FHOD3: variants seen among roughly 807,000 people sequenced by gnomAD.
FHOD3 encodes the protein formin homology 2 domain containing 3.
In FHOD3, 90 loss-of-function variants were observed where a neutral mutation model predicts 173.0. The observed-to-expected ratio is 0.52, with a 90% confidence interval of 0.44 to 0.62. The LOEUF (loss-of-function observed/expected upper bound fraction) is 0.62, where lower values mean the gene tolerates loss of function less well. Ranked by LOEUF, FHOD3 falls within the 20% of genes least tolerant of loss-of-function variation. The probability of loss-of-function intolerance (pLI) is 0.00; values close to 1 mark genes in which losing one functional copy is unlikely to be tolerated. For synonymous variants in FHOD3, 828 were observed against 823.0 expected, an observed-to-expected ratio of 1.01 and a Z score of -0.10; for missense variants, 1,945 against 2,034.7, an observed-to-expected ratio of 0.96 and a Z score of 0.85.
chr18:36,546,115 T>C (rs930624914), intron 5 of FHOD3, among the ~76,000 whole-genome samples: 3 of 152,218 alleles, frequency 2.0e-5, no homozygotes, highest in African/African-American at 7.2e-5. Context: ...CCCTTTTTCA[T>C]AGGTGTATGG....
In FHOD3 at chr18:36,316,601, A is replaced by T. The variant is rs151051863; in HGVS notation, c.165+18601A>T. ...ATTAATGTTTTAGTAGTTTCCGATC[A>T]GTTTATTTAGGGCTCAGAGTAATCT... is the stretch of plus-strand genomic sequence containing the variant. On this transcript the variant is annotated intron_variant, in intron 1 of 28. Coordinates refer to ENST00000590592, the MANE Select transcript of FHOD3 (RefSeq NM_001281740.3). Among the ~76,000 whole-genome samples the T allele has an allele frequency of 1.1e-4, 16 of 152,332 alleles. No homozygotes were observed. The East Asian group carries it at 2.9e-3, about 28-fold the overall frequency.
intron 5 of FHOD3, among the ~76,000 whole-genome samples, chr18:36,517,577 G>A (rs1278556680): frequency 3.9e-5 from 6 of 152,290 alleles, no homozygotes; most frequent in Middle Eastern, 6.8e-3. Flanking sequence ...CTGCCTCTTC[G>A]GGCTAGCTTT....
intron 3 of FHOD3, among the ~76,000 whole-genome samples, chr18:36,437,861 A>C (rs1004011286): frequency 8.6e-5 from 13 of 151,898 alleles, no homozygotes; most frequent in South Asian, 6.2e-4. Flanking sequence ...ATGGGATTTC[A>C]CCATGTTGGC....
intron 3 of FHOD3, among the ~76,000 whole-genome samples, chr18:36,447,977 A>G (rs2051596736): frequency 6.6e-6 from 1 of 152,188 alleles, no homozygotes; most frequent in Admixed American, 6.5e-5. Flanking sequence ...CATTGTGTAG[A>G]CTTTTGTGCC....
intron 10 of FHOD3, among the ~76,000 whole-genome samples, chr18:36,641,032 G>C (rs9948854): frequency 0.071 from 10,781 of 152,126 alleles, 664 homozygotes; most frequent in East Asian, 0.24. Context: ...AGATCTCTGA[G>C]GTCATCTCCA....
At chr18:36,440,152 G>A (rs746880284) in intron 3 of FHOD3, among the ~76,000 whole-genome samples, 4 of 152,124 alleles carry the variant, frequency 2.6e-5, no homozygotes, top group Non-Finnish European at 5.9e-5. Flanking sequence ...TCTTTGTTTC[G>A]AATAAGCTCC....
intron 3 of FHOD3, among the ~76,000 whole-genome samples, chr18:36,468,185 A>C (rs961038634): frequency 6.6e-5 from 10 of 152,146 alleles, no homozygotes; most frequent in African/African-American, 2.4e-4. Context: ...CCCCACAGGG[A>C]CCCAGGCTGC....
rs116049732 is a variant in FHOD3, at chr18:36,746,844, T to C, written c.4042-101T>C. The C allele has an allele frequency of 4.1e-3, 3,219 of 791,026 alleles. 70 individuals carry two copies. In the African/African-American group the frequency reaches 0.051, roughly 13 times the overall value. 49.0% of individuals were successfully genotyped at this position (791,026 alleles called of 1,614,324 possible). On this transcript the variant is annotated intron_variant, in intron 23 of 28. Coordinates refer to ENST00000590592, the MANE Select transcript of FHOD3 (RefSeq NM_001281740.3). ...ATGTTTGCATTTCAAAATGTGAATT[T>C]CGTTTTGATGTTTGTTTCTCCCCAG...
chr18:36,628,969 G>C (rs2034310569), intron 10 of FHOD3, among the ~76,000 whole-genome samples: 1 of 152,164 alleles, frequency 6.6e-6, no homozygotes, highest in East Asian at 1.9e-4. Flanking sequence ...GTTTCATCCT[G>C]CTGATTTCCA....
intron 6 of FHOD3, among the ~76,000 whole-genome samples, chr18:36,590,882 T>G (rs1387851513): frequency 6.6e-6 from 1 of 152,144 alleles, no homozygotes; most frequent in Non-Finnish European, 1.5e-5. Flanking sequence ...ACCGTATCGG[T>G]CAAGGCCCCT....
intron 3 of FHOD3, among the ~76,000 whole-genome samples, chr18:36,470,247 C>A (rs1332020643): frequency 2.0e-5 from 3 of 152,212 alleles, no homozygotes; most frequent in Non-Finnish European, 4.4e-5. Context: ...TCACCATTGT[C>A]TGCCCAATGC....
chr18:36,303,437 A>G (rs2092007625), intron 1 of FHOD3, among the ~76,000 whole-genome samples: 1 of 152,054 alleles, frequency 6.6e-6, no homozygotes, highest in South Asian at 2.1e-4. Flanking sequence ...GTGCTCTGGC[A>G]AGTCCTCCCA....
intron 1 of FHOD3, among the ~76,000 whole-genome samples, chr18:36,298,297 C>A (rs951549811): frequency 6.7e-6 from 1 of 149,382 alleles, no homozygotes; most frequent in Non-Finnish European, 1.5e-5. Context: ...CGAGCCGCGC[C>A]GTTAGCTCGG....
intron 3 of FHOD3, among the ~76,000 whole-genome samples, chr18:36,403,628 A>C (rs1237596843): frequency 1.3e-5 from 2 of 152,262 alleles, no homozygotes; most frequent in Non-Finnish European, 2.9e-5. Context: ...GTAAAAAAAC[A>C]CAAAAACATA....
chr18:36,693,384 G>T lies in FHOD3; in HGVS notation c.2197G>T (p.Val733Leu). 6.2e-7 allele frequency: 1 copy of T among 1,613,828 alleles called. No homozygotes were observed. Among genetic ancestry groups the T allele is most frequent in the Non-Finnish European group, 8.5e-7 (1 of 1,179,854 alleles). ...SSSDSQEALT[V>L]SASSPGTPHH... ...TTCAGACTCTCAAGAGGCTCTCACG[G>T]TGTCTGCCTCCTCCCCAGGAACCCC... The change falls in exon 17 of 29, where the codon GTG (valine) becomes TTG (leucine). Residue 733 changes from valine (V) to leucine (L), a missense_variant. Val to Leu is a conservative substitution (Grantham distance 32). Transcript: ENST00000590592.
At chr18:36,526,710 C>G (rs1234648002) in intron 5 of FHOD3, among the ~76,000 whole-genome samples, 1 of 152,156 alleles carries the variant, frequency 6.6e-6, no homozygotes, top group Non-Finnish European at 1.5e-5. Flanking sequence ...GCCCATAATT[C>G]AGCTTTCTAA....
chr18:36,744,004 A>G (rs1568713964), intron 22 of FHOD3, 28 bp from the exon 23 acceptor site: 3 of 1,613,382 alleles, frequency 1.9e-6, no homozygotes, highest in African/African-American at 1.3e-5. Context: ...TGCTTGAAAC[A>G]TGTCTTTTAT....
intron 10 of FHOD3, among the ~76,000 whole-genome samples, chr18:36,637,263 T>C (rs763370103): frequency 2.6e-5 from 4 of 152,208 alleles, no homozygotes; most frequent in Non-Finnish European, 5.9e-5. Context: ...CAAAATCATA[T>C]TCATTTGTTC....
chr18:36,440,260 A>C (rs1396772342), intron 3 of FHOD3, among the ~76,000 whole-genome samples: 1 of 152,232 alleles, frequency 6.6e-6, no homozygotes, highest in East Asian at 1.9e-4. Context: ...TCGGGCAGCC[A>C]TCCAATGAGC....
Sources: allele counts gnomAD v4.1 joint callset (sites outside exome capture counted in the v4.1 genomes callset), GRCh38; gene constraint gnomAD v4.1.1; transcripts MANE v1.5; gene names NCBI Gene and HGNC (gene_info 2026-07-23, HGNC 2026-07-21).